Variants in SOX6 observed in about 807,000 individuals in gnomAD.
SOX6 encodes transcription factor SOX-6.
Under a neutral mutation model 97.8 loss-of-function variants are expected in SOX6, and 11 were observed. That is an observed-to-expected ratio of 0.11 (90% CI 0.07 to 0.19). The LOEUF (loss-of-function observed/expected upper bound fraction) is 0.19, where lower values mean the gene tolerates loss of function less well. Ranked by LOEUF, SOX6 falls within the 10% of genes least tolerant of loss-of-function variation. SOX6 has a pLI of 1.00. For missense variants in SOX6, 810 were observed against 1,039.5 expected (o/e 0.78, Z 3.04); for synonymous variants, 360 against 371.4 (o/e 0.97, Z 0.35).
intron 3 of SOX6, among the ~76,000 whole-genome samples, chr11:16,284,818 A>G (rs918532743): frequency 1.1e-4 from 16 of 152,300 alleles, no homozygotes; most frequent in African/African-American, 3.8e-4. Context: ...GCTGTATTTT[A>G]TTCAAATTCT....
At chr11:16,617,966 T>G (rs1019389187) in intron 3 of SOX6, among the ~76,000 whole-genome samples, 2 of 151,504 alleles carry the variant, frequency 1.3e-5, no homozygotes, top group South Asian at 2.1e-4. Context: ...GCTTTTACAT[T>G]ATAAATTCAG....
intron 9 of SOX6, among the ~76,000 whole-genome samples, chr11:16,078,763 G>A (rs1029952811): frequency 1.3e-5 from 2 of 152,074 alleles, no homozygotes; most frequent in Non-Finnish European, 1.5e-5. Flanking sequence ...AAAACTCAGA[G>A]AAGGGGACAT....
intron 1 of SOX6, among the ~76,000 whole-genome samples, chr11:16,379,419 T>C (rs570476520): frequency 2.8e-4 from 43 of 152,144 alleles, no homozygotes; most frequent in African/African-American, 1.0e-3. Flanking sequence ...TGAGCCGAGA[T>C]TGTGCCATTG....
chr11:16,042,762 G>A (rs759019700), intron 12 of SOX6, among the ~76,000 whole-genome samples: 2 of 152,152 alleles, frequency 1.3e-5, no homozygotes, highest in Non-Finnish European at 2.9e-5. Flanking sequence ...CAAGTAAAGT[G>A]TGATAATAGT....
intron 1 of SOX6, among the ~76,000 whole-genome samples, chr11:16,430,643 A>G (rs1038285684): frequency 2.6e-5 from 4 of 152,096 alleles, no homozygotes; most frequent in African/African-American, 7.2e-5. Context: ...TCACCAGACA[A>G]CAGATCAGCC....
intron 6 of SOX6, among the ~76,000 whole-genome samples, chr11:16,124,308 CAT>C (rs923164107): frequency 5.3e-5 from 8 of 151,950 alleles, no homozygotes; most frequent in African/African-American, 1.2e-4. Flanking sequence ...TACAAAAATA[CAT>C]ATATATATGT....
At chr11:16,240,463 C>T (rs1170526802) in intron 3 of SOX6, among the ~76,000 whole-genome samples, 1 of 152,014 alleles carries the variant, frequency 6.6e-6, no homozygotes, top group African/African-American at 2.4e-5. Flanking sequence ...TCTCTCTATA[C>T]ACAATTTTTA....
intron 4 of SOX6, among the ~76,000 whole-genome samples, chr11:16,543,619 T>C (rs530257780): frequency 5.8e-4 from 88 of 152,234 alleles, no homozygotes; most frequent in African/African-American, 2.1e-3. Context: ...AGCCAATTTT[T>C]AAATGAGCAA....
Position 16,602,450 on chromosome 11 carries a change from C to CT in SOX6, n.609+9630dup, listed in dbSNP as rs972674503. The stretch of plus-strand genomic sequence containing the variant: ...GAAACATTTGTTTTTTGGTTGTTTG[C>CT]TTTTTTTTTAAGAGGGACAATTTCT... On this transcript the variant is annotated intron_variant and non_coding_transcript_variant, in intron 4 of 5. Transcript: ENST00000524520. 1.1e-4 allele frequency among the ~76,000 whole-genome samples: 17 copies of CT among 150,452 alleles called. 1 individual carries two copies. Among genetic ancestry groups the CT allele is most frequent in the South Asian group, 4.2e-4 (2 of 4,738 alleles).
At chr11:16,394,173 TGAA>T (rs1214411747) in intron 1 of SOX6, among the ~76,000 whole-genome samples, 3 of 151,940 alleles carry the variant, frequency 2.0e-5, no homozygotes, top group African/African-American at 4.8e-5. Context: ...TGCATATCAT[TGAA>T]GAAGATGGAA....
At chr11:16,292,022 A>C (rs1306899193) in intron 3 of SOX6, among the ~76,000 whole-genome samples, 1 of 152,150 alleles carries the variant, frequency 6.6e-6, no homozygotes, top group African/African-American at 2.4e-5. Context: ...CATCCTGCTT[A>C]TGGGCAGATC....
intron 4 of SOX6, among the ~76,000 whole-genome samples, chr11:16,204,403 G>A (rs80204277): frequency 0.058 from 8,879 of 152,040 alleles, 646 homozygotes; most frequent in East Asian, 0.37. Flanking sequence ...AGACCTGGAG[G>A]AAGGGAGAGG....
intron 3 of SOX6, among the ~76,000 whole-genome samples, chr11:16,243,168 T>A (rs1853242445): frequency 6.6e-6 from 1 of 152,038 alleles, no homozygotes; most frequent in Non-Finnish European, 1.5e-5. Flanking sequence ...AATTAACACT[T>A]GCTGAGCACA....
At chr11:16,008,003 C>T (rs993301645) in intron 13 of SOX6, among the ~76,000 whole-genome samples, 8 of 152,030 alleles carry the variant, frequency 5.3e-5, no homozygotes, top group African/African-American at 1.9e-4. Context: ...AGATTAGTTC[C>T]AGGACCCCCT....
chr11:16,398,771 A>G (rs1858444178), intron 1 of SOX6, among the ~76,000 whole-genome samples: 1 of 150,930 alleles, frequency 6.6e-6, no homozygotes, highest in Admixed American at 6.7e-5. Context: ...AAATTGCTAC[A>G]AAAGGCCATG....
chr11:16,046,482 G>C, intron 12 of SOX6, 32 bp downstream of exon 12: 1 of 1,608,368 alleles, frequency 6.2e-7, no homozygotes, highest in Non-Finnish European at 8.5e-7. Context: ...AATAAGTCTA[G>C]CAGATCCAGT....
chr11:16,446,324 C>T (rs1188590739), intron 1 of SOX6, among the ~76,000 whole-genome samples: 1 of 151,818 alleles, frequency 6.6e-6, no homozygotes, highest in African/African-American at 2.4e-5. Context: ...ATAGAAATAG[C>T]CTACTATTAA....
intron 6 of SOX6, among the ~76,000 whole-genome samples, chr11:16,152,122 T>A (rs1286495826): frequency 6.6e-6 from 1 of 152,200 alleles, no homozygotes; most frequent in Non-Finnish European, 1.5e-5. Flanking sequence ...AAAAACATGT[T>A]CTTTCACCCA....
chr11:16,016,391 AC>A (rs1854884784), intron 12 of SOX6, among the ~76,000 whole-genome samples: 1 of 152,070 alleles, frequency 6.6e-6, no homozygotes, highest in African/African-American at 2.4e-5. Context: ...AAGATTTGCA[AC>A]AAAAATTACA....
Sources: gnomAD v4.1 joint callset for allele counts (sites outside exome capture counted in the v4.1 genomes callset) on GRCh38, gnomAD v4.1.1 for gene constraint, MANE v1.5 for transcripts, NCBI Gene and HGNC (gene_info 2026-07-23, HGNC 2026-07-21) for gene names.